Variants in MPP7 observed in about 807,000 individuals in gnomAD.
MPP7 encodes MAGUK p55 subfamily member 7.
MPP7 carries 60 observed loss-of-function variants against 76.5 expected under a neutral mutation model. That is an observed-to-expected ratio of 0.78 (90% CI 0.64 to 0.97). The LOEUF is 0.97. MPP7 is among the 50% of genes least tolerant of loss of function. The probability of loss-of-function intolerance (pLI) is 0.00; values close to 1 mark genes in which losing one functional copy is unlikely to be tolerated. For synonymous variants in MPP7, 237 were observed against 244.5 expected, an observed-to-expected ratio of 0.97 and a Z score of 0.29; for missense variants, 641 against 694.0, an observed-to-expected ratio of 0.92 and a Z score of 0.86.
At chr10:28,260,057 G>A (rs1839900715) in intron 1 of MPP7, among the ~76,000 whole-genome samples, 1 of 152,070 alleles carries the variant, frequency 6.6e-6, no homozygotes, top group Non-Finnish European at 1.5e-5. Flanking sequence ...AAATAACCCT[G>A]CATGTCCATA....
intron 13 of MPP7, among the ~76,000 whole-genome samples, chr10:28,061,986 C>T (rs573112493): frequency 3.3e-5 from 5 of 151,646 alleles, no homozygotes; most frequent in Non-Finnish European, 7.4e-5. Context: ...AATTCACAGC[C>T]GACTGTTCAA....
intron 11 of MPP7, among the ~76,000 whole-genome samples, chr10:28,090,744 A>T (rs978711898): frequency 2.0e-5 from 3 of 152,250 alleles, no homozygotes; most frequent in African/African-American, 7.2e-5. Context: ...ATCTTCAGCA[A>T]GTCAGTTAAC....
chr10:28,300,120 G>C (rs1841121277), intron 1 of MPP7, among the ~76,000 whole-genome samples: 1 of 152,116 alleles, frequency 6.6e-6, no homozygotes, highest in South Asian at 2.1e-4. Context: ...GCAATTAGGA[G>C]AGAAACAGCT....
rs397969009 is a variant in MPP7, at chr10:28,092,577, C to CTTTTTTTTTTTTTT, written c.953-2737_953-2736insAAAAAAAAAAAAAA. On this transcript the variant is annotated intron_variant, in intron 11 of 16. Transcript: ENST00000683449. ...GCTTCATAGAACCCAGAAAAGGGACCTTTTTTTTTTTTTGAGACAGGGACT... is the reference window on the plus strand; with the variant it reads ...GCTTCATAGAACCCAGAAAAGGGACCTTTTTTTTTTTTTTTTTTTTTTTTTTTGAGACAGGGACT... 1.7e-5 allele frequency among the ~76,000 whole-genome samples: 2 copies of CTTTTTTTTTTTTTT among 121,110 alleles called. 1 individual carries two copies. Among genetic ancestry groups the CTTTTTTTTTTTTTT allele is most frequent in the African/African-American group, 6.5e-5 (2 of 30,938 alleles). 79.5% of individuals were successfully genotyped at this position (121,110 alleles called of 152,430 possible). A position where few individuals can be genotyped will look rare whatever the true frequency, so the allele number is the denominator to read the frequency against.
chr10:28,120,464 C>A, intron 9 of MPP7, 74 bp from the exon 10 acceptor site: 1 of 1,487,012 alleles, frequency 6.7e-7, no homozygotes, highest in African/African-American at 1.4e-5. Flanking sequence ...CTCCTAACTC[C>A]GACTCCAAAC....
chr10:28,059,969 T>C (rs1851712037), intron 13 of MPP7, among the ~76,000 whole-genome samples: 1 of 152,176 alleles, frequency 6.6e-6, no homozygotes, highest in South Asian at 2.1e-4. Context: ...AATTGCATTG[T>C]ATGTCTCTGC....
intron 1 of MPP7, among the ~76,000 whole-genome samples, chr10:28,253,715 G>T (rs1250088352): frequency 4.6e-5 from 7 of 151,884 alleles, no homozygotes; most frequent in Non-Finnish European, 8.8e-5. Flanking sequence ...CATACTTTTG[G>T]CCAGGCACGG....
At chr10:28,113,284 T>A (rs374890782) in intron 11 of MPP7, among the ~76,000 whole-genome samples, 1 of 152,074 alleles carries the variant, frequency 6.6e-6, no homozygotes, top group Non-Finnish European at 1.5e-5. Context: ...ACTGGTTGAG[T>A]CTGCATCCCA....
intron 5 of MPP7, among the ~76,000 whole-genome samples, chr10:28,131,911 G>T (rs12415831): frequency 6.6e-6 from 1 of 152,128 alleles, no homozygotes; most frequent in Non-Finnish European, 1.5e-5. Flanking sequence ...GCTCTACTTA[G>T]CAGCCACCTC....
At chr10:28,062,158 T>C (rs1233569880) in intron 13 of MPP7, among the ~76,000 whole-genome samples, 1 of 152,164 alleles carries the variant, frequency 6.6e-6, no homozygotes, top group Non-Finnish European at 1.5e-5. Flanking sequence ...AGAAAAGTTA[T>C]AATATTGTCT....
intron 12 of MPP7, among the ~76,000 whole-genome samples, chr10:28,076,244 C>T (rs931442410): frequency 5.3e-5 from 8 of 152,106 alleles, no homozygotes; most frequent in African/African-American, 1.9e-4. Flanking sequence ...GCTAGGGTTC[C>T]ATTGTGAATG....
intron 5 of MPP7, among the ~76,000 whole-genome samples, chr10:28,134,167 TA>T (rs1346987626): frequency 6.6e-6 from 1 of 152,212 alleles, no homozygotes; most frequent in Non-Finnish European, 1.5e-5. Context: ...TCTAGCTTTC[TA>T]ACATGATCCC....
intron 11 of MPP7, among the ~76,000 whole-genome samples, chr10:28,104,920 C>G (rs1853997226): frequency 6.6e-6 from 1 of 151,900 alleles, no homozygotes; most frequent in African/African-American, 2.4e-5. Context: ...TGTCATGGTG[C>G]ACATATACTA....
chr10:28,076,869 C>A (rs1308670043), intron 12 of MPP7, among the ~76,000 whole-genome samples: 1 of 146,860 alleles, frequency 6.8e-6, no homozygotes, highest in African/African-American at 2.5e-5. Context: ...GCCTGGGTGA[C>A]AGAGTAAGAC....
intron 3 of MPP7, among the ~76,000 whole-genome samples, chr10:28,155,608 A>AAAAAAAAAC: frequency 6.7e-6 from 1 of 149,556 alleles, no homozygotes; most frequent in South Asian, 2.1e-4. Flanking sequence ...CAAAAAAAAA[A>AAAAAAAAAC]AGAAAGAAAA....
intron 3 of MPP7, among the ~76,000 whole-genome samples, chr10:28,174,052 G>C (rs986952761): frequency 2.0e-5 from 3 of 152,014 alleles, no homozygotes; most frequent in Non-Finnish European, 4.4e-5. Flanking sequence ...AGTCATCTGG[G>C]GATCCAAATT....
chr10:28,081,095 G>A (rs1003836403), intron 12 of MPP7, among the ~76,000 whole-genome samples: 2 of 152,212 alleles, frequency 1.3e-5, no homozygotes, highest in Admixed American at 6.5e-5. Flanking sequence ...GCACAAAGGA[G>A]AGCAGAATAG....
chr10:28,086,518 T>C (rs1853017607), intron 12 of MPP7, among the ~76,000 whole-genome samples: 2 of 152,182 alleles, frequency 1.3e-5, no homozygotes, highest in South Asian at 4.1e-4. Flanking sequence ...ACAATTAGCA[T>C]TCAGACAGGA....
chr10:28,140,433 C>A (rs2133722113), intron 5 of MPP7, among the ~76,000 whole-genome samples: 1 of 152,150 alleles, frequency 6.6e-6, no homozygotes, highest in Non-Finnish European at 1.5e-5. Flanking sequence ...ATTGCTTGAA[C>A]CCGAGAGGCT....
Sources: allele counts gnomAD v4.1 joint callset (sites outside exome capture counted in the v4.1 genomes callset), GRCh38; gene constraint gnomAD v4.1.1; transcripts MANE v1.5; gene names NCBI Gene and HGNC (gene_info 2026-07-23, HGNC 2026-07-21).